The following HMGXB4 variants were observed in gnomAD, a reference collection of about 807,000 sequenced individuals.
HMGXB4 encodes HMG domain-containing protein 4.
In HMGXB4, 27 loss-of-function variants were observed where a neutral mutation model predicts 63.9. The observed-to-expected ratio is 0.42, with a 90% confidence interval of 0.31 to 0.58. The LOEUF is 0.58. HMGXB4 is among the 20% of genes least tolerant of loss of function. HMGXB4 has a pLI of 0.13. For missense variants in HMGXB4, 624 were observed against 700.7 expected (o/e 0.89, Z 1.24); for synonymous variants, 264 against 265.3 (o/e 0.99, Z 0.05).
At position 35,263,797 on chromosome 22, in the gene HMGXB4, A is replaced by G; in HGVS notation, c.182A>G (p.Asp61Gly). ...TGGTCAATTCTTCTTTAATTATAGGATAGTGAACTTTACTTCTTGGGGACG... is the reference window on the plus strand; with the variant it reads ...TGGTCAATTCTTCTTTAATTATAGGGTAGTGAACTTTACTTCTTGGGGACG... The part of the protein sequence containing the change: ...VRNSSKKKLK[D>G]SELYFLGTDT... Residue 61 changes from aspartate to glycine, a missense_variant and splice_region_variant, in exon 4 of 11, where the codon GAT becomes GGT. Around this residue, in one of 2 missense-constraint regions of HMGXB4, gnomAD observed 472 missense variants for 470.6 expected, o/e 1.00. Coordinates refer to ENST00000216106, the MANE Select transcript of HMGXB4 (RefSeq NM_001003681.3). 6.2e-7 allele frequency: 1 copy of G among 1,606,144 alleles called. No homozygotes were observed. The highest frequency in any genetic ancestry group is 8.5e-7 in the Non-Finnish European group (1 of 1,172,632).
At chr22:35,254,580 C>A (rs1922312851), upstream of HMGXB4, among the ~76,000 whole-genome samples, 1 of 152,190 alleles carries the variant, frequency 6.6e-6, no homozygotes, top group African/African-American at 2.4e-5. Context: ...GCATTATTTT[C>A]TCCACCTCTG....
At chr22:35,293,494 C>T in intron 10 of HMGXB4, 113 bp from the exon 11 acceptor site, 1 of 732,900 alleles carries the variant, frequency 1.4e-6, no homozygotes, top group Non-Finnish European at 2.4e-6. Context: ...TCATTCTCAC[C>T]TGTTTTTCTA....
At chr22:35,285,018 A>G (rs185646952) in intron 6 of HMGXB4, among the ~76,000 whole-genome samples, 1 of 152,370 alleles carries the variant, frequency 6.6e-6, no homozygotes, top group African/African-American at 2.4e-5. Context: ...GGTTCTAATC[A>G]TTCAGAAATT....
intron 5 of HMGXB4, among the ~76,000 whole-genome samples, chr22:35,278,713 A>G (rs547881864): frequency 1.8e-4 from 27 of 151,526 alleles, no homozygotes; most frequent in South Asian, 6.3e-4. Flanking sequence ...CAGAGGTGCA[A>G]TCCTAGCTCA....
rs1569008443 is a variant in HMGXB4 at position 35,292,974 on chromosome 22, ACCT to A, written c.1639-13_1639-11del. On this transcript the variant is annotated splice_polypyrimidine_tract_variant and intron_variant, in intron 9 of 10. Transcript: ENST00000216106. Reference sequence around the variant, plus strand: ...CATCAGGAGTGTGACTCAAGCAACAACCTCCTCTCCTTTTCAGGGTATGGTGGC... The same window carrying A: ...CATCAGGAGTGTGACTCAAGCAACAACCTCTCCTTTTCAGGGTATGGTGGC... 3 of 1,613,936 alleles carry A rather than the reference ACCT, an allele frequency of 1.9e-6. No homozygotes were observed. The highest frequency in any genetic ancestry group is 8.5e-7 in the Non-Finnish European group (1 of 1,179,980).
chr22:35,262,494 G>A (rs1922925470), intron 2 of HMGXB4, 73 bp downstream of exon 2: 1 of 1,438,728 alleles, frequency 7.0e-7, no homozygotes, highest in Non-Finnish European at 9.8e-7. Flanking sequence ...TGGATATAGA[G>A]ACCAGGACTG....
the HMGXB4 span, among the ~76,000 whole-genome samples, chr22:35,251,233 T>C: frequency 1.3e-4 from 19 of 151,886 alleles, no homozygotes; most frequent in Non-Finnish European, 2.8e-4. Flanking sequence ...TGCCACCACA[T>C]CCGGCTAATT....
Position 35,265,198 on chromosome 22 carries a change from C to G in HMGXB4, c.810C>G (p.Asp270Glu), listed in dbSNP as rs745507094. ...CTGGCCCTGAAGGCTGTGGGTCTGACGCCTCCCAGTTCGCAGAGTCCCACA... is the reference window on the plus strand; with the variant it reads ...CTGGCCCTGAAGGCTGTGGGTCTGAGGCCTCCCAGTTCGCAGAGTCCCACA... ...SSPGPEGCGS[D>E]ASQFAESHSA... is the part of the protein sequence containing the mutation. Residue 270 changes from aspartate (D) to glutamate (E), a missense_variant, in exon 5 of 11, where the codon GAC becomes GAG. Physicochemically the swap from Asp to Glu is conservative, Grantham distance 45 (BLOSUM62 2). Coordinates refer to ENST00000216106, the MANE Select transcript of HMGXB4 (RefSeq NM_001003681.3). 6.2e-7 allele frequency: 1 copy of G among 1,614,068 alleles called. No homozygotes were observed. Among genetic ancestry groups the G allele is most frequent in the Non-Finnish European group, 8.5e-7 (1 of 1,179,992 alleles).
chr22:35,271,477 A>G (rs1923600222), intron 5 of HMGXB4, among the ~76,000 whole-genome samples: 1 of 152,204 alleles, frequency 6.6e-6, no homozygotes, highest in Non-Finnish European at 1.5e-5. Flanking sequence ...GATTCAACAT[A>G]GCTAAGTCGT....
chr22:35,282,398 G>A (rs982444558), intron 5 of HMGXB4, among the ~76,000 whole-genome samples: 6 of 152,048 alleles, frequency 3.9e-5, no homozygotes, highest in Non-Finnish European at 7.4e-5. Context: ...GGATGACCTC[G>A]TGATCTGCCC....
At chr22:35,286,240 A>G (rs773073473) in intron 7 of HMGXB4, among the ~76,000 whole-genome samples, 179 bp downstream of exon 7, 14 of 152,236 alleles carry the variant, frequency 9.2e-5, no homozygotes, top group Admixed American at 3.9e-4. Context: ...GTACATGAGG[A>G]TTTAGCTATA....
rs1349563874 is a variant in HMGXB4 at position 35,293,875 on chromosome 22, T to C, written c.*224T>C. The C allele has an allele frequency of 1.3e-5, 4 of 302,734 alleles. No homozygotes were observed. The allele number at this position is 302,734 out of a possible 1,614,324, so 18.8% of individuals were successfully genotyped here. On this transcript the variant is annotated 3_prime_UTR_variant, in exon 11 of 11. Coordinates refer to ENST00000216106, the MANE Select transcript of HMGXB4 (RefSeq NM_001003681.3). The stretch of plus-strand genomic sequence containing the variant: ...GCAAAGGTTTAGCCAAGAGGAAATT[T>C]TGGCATGAATACAGGCTTGGGATTC...
chr22:35,279,670 T>A (rs891442427), intron 5 of HMGXB4, among the ~76,000 whole-genome samples: 80 of 144,088 alleles, frequency 5.6e-4, no homozygotes, highest in Non-Finnish European at 9.9e-4. Context: ...GGTCTGTGTC[T>A]AGATTCCTTT....
chr22:35,253,144 A>AAAAAAAAAAAAAAAGAAAAAAAG (rs11282400), upstream of HMGXB4, among the ~76,000 whole-genome samples: 1,278 of 124,930 alleles, frequency 0.01, 30 homozygotes, highest in African/African-American at 0.035. Context: ...AAAAAAAAAA[A>AAAAAAAAAAAAAAAGAAAAAAAG]AAAAAAGAAA....
chr22:35,242,469 C>A, the HMGXB4 span, among the ~76,000 whole-genome samples: 1 of 151,682 alleles, frequency 6.6e-6, no homozygotes, highest in East Asian at 1.9e-4. Flanking sequence ...CCTTATTATT[C>A]TTTTGGTGTC....
At chr22:35,282,002 A>G (rs941540138) in intron 5 of HMGXB4, among the ~76,000 whole-genome samples, 2 of 152,172 alleles carry the variant, frequency 1.3e-5, no homozygotes, top group African/African-American at 4.8e-5. Context: ...TATGGGAACA[A>G]CATGAAGAAC....
At position 35,264,766 on chromosome 22, in the gene HMGXB4, C is replaced by T; in HGVS notation, c.378C>T (p.Pro126=). Residue 126 remains proline (P), a synonymous_variant, in exon 5 of 11, where the codon CCC becomes CCT. Transcript: ENST00000216106. ...ITSPLAAGSK[P]SKKTGEKSSG... is the part of the protein sequence containing the mutation. ...CCCCACTGGCAGCAGGCTCCAAGCC[C>T]TCCAAAAAGACTGGGGAGAAATCCT... 6.2e-7 allele frequency: 1 copy of T among 1,614,212 alleles called. No homozygotes were observed. Among genetic ancestry groups the T allele is most frequent in the Non-Finnish European group, 8.5e-7 (1 of 1,180,036 alleles).
chr22:35,252,779 G>A (rs1166108378), upstream of HMGXB4, among the ~76,000 whole-genome samples: 1 of 152,156 alleles, frequency 6.6e-6, no homozygotes, highest in Non-Finnish European at 1.5e-5. Context: ...CAAGGCGGGT[G>A]GATCATGAGG....
chr22:35,244,583 G>A, the HMGXB4 span, among the ~76,000 whole-genome samples: 2 of 152,080 alleles, frequency 1.3e-5, no homozygotes, highest in African/African-American at 4.8e-5. Context: ...TACTTATACT[G>A]GTCCAAACAA....
Sources: allele counts gnomAD v4.1 joint callset (sites outside exome capture counted in the v4.1 genomes callset), GRCh38; gene constraint gnomAD v4.1.1; regional missense constraint gnomAD v4.1.1; transcripts MANE v1.5; gene names NCBI Gene and HGNC (gene_info 2026-07-23, HGNC 2026-07-21).